Variants in KAZN observed in about 807,000 individuals in gnomAD.
KAZN encodes kazrin, periplakin interacting protein, also known as kazrin.
Under a neutral mutation model 87.4 loss-of-function variants are expected in KAZN, and 40 were observed. The observed-to-expected ratio is 0.46, with a 90% CI of 0.36 to 0.60. The LOEUF is 0.60. Ranked by LOEUF, KAZN falls within the 20% of genes least tolerant of loss-of-function variation. The probability of loss-of-function intolerance (pLI) is 0.00; values close to 1 mark genes in which losing one functional copy is unlikely to be tolerated. For missense variants in KAZN, 898 were observed against 1,073.9 expected (o/e 0.84, Z 2.29); for synonymous variants, 466 against 458.3 (o/e 1.02, Z -0.22).
intron 2 of KAZN, among the ~76,000 whole-genome samples, chr1:14,968,321 T>C (rs952672116): frequency 6.6e-6 from 1 of 152,058 alleles, no homozygotes; most frequent in Non-Finnish European, 1.5e-5. Context: ...GAGGTGGAGC[T>C]CCGGCGGTAA....
At chr1:14,790,724 TG>T (rs968919871) in intron 1 of KAZN, among the ~76,000 whole-genome samples, 1 of 151,956 alleles carries the variant, frequency 6.6e-6, no homozygotes, top group Non-Finnish European at 1.5e-5. Flanking sequence ...CTTCTTTTTT[TG>T]TTCTGTTGCT....
intron 2 of KAZN, among the ~76,000 whole-genome samples, chr1:14,366,629 T>G (rs544733663): frequency 6.6e-6 from 1 of 152,148 alleles, no homozygotes; most frequent in East Asian, 1.9e-4. Context: ...GCGAGCACTT[T>G]TGTGTGCCAG....
Position 14,896,041 on chromosome 1 carries a change from C to CTTT in KAZN, c.227-64614_227-64612dup, listed in dbSNP as rs201188620. Among the ~76,000 whole-genome samples, 34 of 140,738 alleles carry CTTT rather than the reference C, an allele frequency of 2.4e-4. 1 individual carries two copies. Among genetic ancestry groups the CTTT allele is most frequent in the East Asian group, 2.3e-3 (11 of 4,692 alleles). The allele number at this position is 140,738 out of a possible 152,430, so 92.3% of individuals were successfully genotyped here. A position where few individuals can be genotyped will look rare whatever the true frequency, so the allele number is the denominator to read the frequency against. On this transcript the variant is annotated intron_variant, in intron 1 of 14. Coordinates refer to ENST00000376030, the MANE Select transcript of KAZN (RefSeq NM_201628.3). ...CAGTAAGTACAAATGAAAAAGACGC[C>CTTT]TTTTTTTTTTTTTTTTTTTTTTTTT...
At chr1:14,089,480 G>A (rs77576771) in intron 1 of KAZN, among the ~76,000 whole-genome samples, 3 of 151,860 alleles carry the variant, frequency 2.0e-5, no homozygotes, top group Admixed American at 6.6e-5. Flanking sequence ...CTATTCTGGG[G>A]TTTAAAATAT....
chr1:13,929,692 T>G (rs894121168), intron 1 of KAZN, among the ~76,000 whole-genome samples: 4 of 152,028 alleles, frequency 2.6e-5, no homozygotes, highest in Admixed American at 6.6e-5. Flanking sequence ...CAGGAGGGCG[T>G]GTGGTTGGCA....
intron 1 of KAZN, among the ~76,000 whole-genome samples, chr1:14,155,392 C>G (rs190742850): frequency 1.3e-5 from 2 of 152,158 alleles, no homozygotes; most frequent in Admixed American, 1.3e-4. Flanking sequence ...TTTTTAATCT[C>G]TGCATTTATT....
At chr1:14,579,128 C>T (rs965405667) in intron 2 of KAZN, among the ~76,000 whole-genome samples, 2 of 152,128 alleles carry the variant, frequency 1.3e-5, no homozygotes, top group Non-Finnish European at 2.9e-5. Flanking sequence ...GAGTTCAAAT[C>T]CTGCCTCTGC....
At chr1:14,321,218 C>T (rs983065009) in intron 2 of KAZN, among the ~76,000 whole-genome samples, 1 of 152,088 alleles carries the variant, frequency 6.6e-6, no homozygotes, top group Admixed American at 6.6e-5. Flanking sequence ...ATTTATTGAT[C>T]GAGATGTGGG....
At chr1:14,603,307 T>C (rs1677118905) in intron 1 of KAZN, among the ~76,000 whole-genome samples, 1 of 152,178 alleles carries the variant, frequency 6.6e-6, no homozygotes, top group Non-Finnish European at 1.5e-5. Flanking sequence ...TCTGTTAGCT[T>C]GCCACTAAGT....
intron 1 of KAZN, among the ~76,000 whole-genome samples, chr1:14,655,805 CCT>C (rs1638755649): frequency 6.6e-6 from 1 of 152,126 alleles, no homozygotes; most frequent in Non-Finnish European, 1.5e-5. Context: ...GTGCCGAACC[CCT>C]GTCGACTCCA....
chr1:14,194,531 G>T (rs1466444290), intron 2 of KAZN, among the ~76,000 whole-genome samples: 1 of 152,118 alleles, frequency 6.6e-6, no homozygotes, highest in Non-Finnish European at 1.5e-5. Context: ...ATCGTTGTCT[G>T]TGTCCCCAGA....
chr1:14,677,376 A>G (rs536243578), intron 1 of KAZN, among the ~76,000 whole-genome samples: 134 of 152,310 alleles, frequency 8.8e-4, no homozygotes, highest in Non-Finnish European at 1.7e-3. Context: ...CAAGACTCCC[A>G]TTGGAAAGGC....
chr1:14,091,048 G>A (rs988289645), intron 1 of KAZN, among the ~76,000 whole-genome samples: 2 of 148,254 alleles, frequency 1.3e-5, no homozygotes, highest in Admixed American at 1.4e-4. Flanking sequence ...GGAGGCAGAG[G>A]TTGCAGTGAG....
intron 2 of KAZN, among the ~76,000 whole-genome samples, chr1:14,192,984 C>G (rs912223738): frequency 2.0e-5 from 3 of 152,112 alleles, no homozygotes; most frequent in African/African-American, 7.2e-5. Flanking sequence ...TCCCCATAAT[C>G]CCTGTGTGTC....
intron 2 of KAZN, among the ~76,000 whole-genome samples, chr1:15,007,679 A>C (rs1424565718): frequency 3.3e-5 from 5 of 152,034 alleles, no homozygotes; most frequent in Non-Finnish European, 5.9e-5. Context: ...CAGGTAGCTC[A>C]CCTGCCCGCC....
intron 4 of KAZN, among the ~76,000 whole-genome samples, chr1:15,046,293 GTC>G (rs1557751038): frequency 1.4e-3 from 63 of 45,728 alleles, no homozygotes; most frequent in African/African-American, 6.0e-3. Flanking sequence ...GCAAGACTCC[GTC>G]TCAAAAAAAA....
intron 1 of KAZN, among the ~76,000 whole-genome samples, chr1:14,723,115 G>A (rs1486415295): frequency 6.6e-6 from 1 of 152,018 alleles, no homozygotes; most frequent in Non-Finnish European, 1.5e-5. Context: ...GACAGAGTGA[G>A]ACTCTGTCTC....
At chr1:14,734,505 G>A (rs569531609) in intron 1 of KAZN, among the ~76,000 whole-genome samples, 200 of 152,156 alleles carry the variant, frequency 1.3e-3, no homozygotes, top group African/African-American at 4.7e-3. Flanking sequence ...TAGAGACGGG[G>A]TTTCTCCATG....
At chr1:14,208,961 A>G (rs181743672) in intron 2 of KAZN, among the ~76,000 whole-genome samples, 1 of 152,356 alleles carries the variant, frequency 6.6e-6, no homozygotes, top group East Asian at 1.9e-4. Context: ...GTTAGGAACT[A>G]TGATGAGAAT....
Sources: allele counts gnomAD v4.1 joint callset (sites outside exome capture counted in the v4.1 genomes callset), GRCh38; gene constraint gnomAD v4.1.1; transcripts MANE v1.5; gene names NCBI Gene and HGNC (gene_info 2026-07-23, HGNC 2026-07-21).